Variants in PDE4D observed in about 807,000 individuals in gnomAD.
PDE4D encodes the protein 3',5'-cyclic-AMP phosphodiesterase 4D.
A neutral mutation model predicts 87.4 loss-of-function variants in PDE4D; 24 were observed. The ratio of observed to expected loss-of-function variants is 0.27; its 90% CI spans 0.20 to 0.39. The LOEUF is 0.39. PDE4D is among the 10% of genes least tolerant of loss of function. PDE4D has a pLI of 1.00. For synonymous variants in PDE4D, 384 were observed against 383.2 expected, an observed-to-expected ratio of 1.00 and a Z score of -0.02; for missense variants, 714 against 1,041.0, an observed-to-expected ratio of 0.69 and a Z score of 4.32.
intron 2 of PDE4D, among the ~76,000 whole-genome samples, chr5:60,034,404 G>T (rs551904314): frequency 2.6e-5 from 4 of 152,286 alleles, no homozygotes; most frequent in African/African-American, 9.6e-5. Context: ...TCTTCTTCCA[G>T]CTTCTAGAGG....
At chr5:60,426,509 A>G (rs916249071) in intron 1 of PDE4D, among the ~76,000 whole-genome samples, 1 of 152,070 alleles carries the variant, frequency 6.6e-6, no homozygotes, top group African/African-American at 2.4e-5. Flanking sequence ...GGTGGCGAAC[A>G]TCACACACCA....
intron 2 of PDE4D, among the ~76,000 whole-genome samples, chr5:60,163,639 T>C (rs1248716066): frequency 6.6e-6 from 1 of 152,194 alleles, no homozygotes; most frequent in African/African-American, 2.4e-5. Flanking sequence ...GTTGTAGCAC[T>C]GCTCTGGAAA....
At chr5:60,474,404 T>C (rs1414262092) in intron 1 of PDE4D, among the ~76,000 whole-genome samples, 1 of 151,644 alleles carries the variant, frequency 6.6e-6, no homozygotes, top group East Asian at 1.9e-4. Flanking sequence ...AACCCCCTCT[T>C]AATACCACCA....
chr5:60,328,188 C>T (rs1374450374), intron 1 of PDE4D, among the ~76,000 whole-genome samples: 1 of 152,120 alleles, frequency 6.6e-6, no homozygotes, highest in African/African-American at 2.4e-5. Flanking sequence ...TCCTTCCATA[C>T]AATGACTAAA....
intron 3 of PDE4D, among the ~76,000 whole-genome samples, chr5:59,980,290 T>C (rs1271463877): frequency 1.3e-5 from 2 of 152,344 alleles, no homozygotes; most frequent in East Asian, 3.9e-4. Context: ...ACAATTATTA[T>C]TGAGTGATGG....
At chr5:60,171,978 G>A (rs1273789256) in intron 2 of PDE4D, among the ~76,000 whole-genome samples, 2 of 150,938 alleles carry the variant, frequency 1.3e-5, no homozygotes, top group Non-Finnish European at 3.0e-5. Flanking sequence ...TATTTTAGAC[G>A]TAAGTATTGG....
intron 1 of PDE4D, among the ~76,000 whole-genome samples, chr5:60,404,456 A>G (rs1249372248): frequency 6.6e-6 from 1 of 152,188 alleles, no homozygotes; most frequent in African/African-American, 2.4e-5. Flanking sequence ...ATACAACTTC[A>G]GTGGCCTAAA....
chr5:60,229,916 G>C lies in PDE4D; in HGVS notation c.-89-44229C>G, dbSNP rs1745603294. Among the ~76,000 whole-genome samples the C allele has an allele frequency of 2.0e-5, 3 of 152,096 alleles. No individual in the cohort carries two copies. The South Asian group carries it at 6.2e-4, about 31-fold the overall frequency. ...GCCCAATCAGTTTGGATAAAAAATA[G>C]TCTTACATAACTCTTCTTCATTCTA... is the stretch of plus-strand genomic sequence containing the variant. On this transcript the variant is annotated intron_variant, in intron 1 of 16. Coordinates refer to the PDE4D transcript ENST00000502484.
At chr5:60,409,722 C>G (rs1741881809) in intron 1 of PDE4D, among the ~76,000 whole-genome samples, 1 of 152,236 alleles carries the variant, frequency 6.6e-6, no homozygotes, top group African/African-American at 2.4e-5. Flanking sequence ...CCAAGTCTTA[C>G]TGACATATTG....
intron 1 of PDE4D, among the ~76,000 whole-genome samples, chr5:59,319,275 G>A (rs1774295019): frequency 6.6e-6 from 1 of 151,822 alleles, no homozygotes; most frequent in African/African-American, 2.4e-5. Context: ...AATAGTTTGA[G>A]GTTGACCCAA....
At chr5:59,591,489 A>T (rs1447734299) in intron 1 of PDE4D, among the ~76,000 whole-genome samples, 1 of 152,182 alleles carries the variant, frequency 6.6e-6, no homozygotes, top group Non-Finnish European at 1.5e-5. Flanking sequence ...TCAAATGTTA[A>T]GGTATATTTT....
intron 6 of PDE4D, among the ~76,000 whole-genome samples, chr5:59,031,388 TATA>T (rs1757433243): frequency 8.9e-5 from 4 of 45,068 alleles, no homozygotes; most frequent in African/African-American, 6.9e-4. Flanking sequence ...TATATATATA[TATA>T]TTATATATAT....
chr5:60,277,729 T>C (rs1359783352), intron 1 of PDE4D, among the ~76,000 whole-genome samples: 2 of 152,192 alleles, frequency 1.3e-5, no homozygotes, highest in Non-Finnish European at 2.9e-5. Flanking sequence ...ACTGTTTTAC[T>C]TTTTGTTTGT....
intron 1 of PDE4D, among the ~76,000 whole-genome samples, chr5:59,632,294 G>C (rs1831673534): frequency 6.6e-6 from 1 of 152,198 alleles, no homozygotes; most frequent in Non-Finnish European, 1.5e-5. Context: ...GCACCTGGGG[G>C]GAGGGGTGGC....
chr5:60,014,773 A>G (rs1378100470), intron 2 of PDE4D, among the ~76,000 whole-genome samples: 1 of 152,234 alleles, frequency 6.6e-6, no homozygotes, highest in Non-Finnish European at 1.5e-5. Context: ...CAAAATGAAA[A>G]GAAGATTTTA....
chr5:59,174,033 G>A (rs907351891), intron 5 of PDE4D, among the ~76,000 whole-genome samples: 6 of 152,096 alleles, frequency 3.9e-5, no homozygotes, highest in African/African-American at 7.2e-5. Context: ...TGAAATAGTT[G>A]CTTAGTTTCT....
chr5:60,086,587 A>G (rs1774554783), intron 2 of PDE4D, among the ~76,000 whole-genome samples: 1 of 152,258 alleles, frequency 6.6e-6, no homozygotes, highest in Admixed American at 6.5e-5. Flanking sequence ...TCACAATTAT[A>G]TGAAAAGTAG....
At chr5:59,642,408 C>T (rs1741735131) in intron 1 of PDE4D, among the ~76,000 whole-genome samples, 1 of 152,056 alleles carries the variant, frequency 6.6e-6, no homozygotes, top group Non-Finnish European at 1.5e-5. Flanking sequence ...GTGTCCCCAC[C>T]CAAATCTCAT....
At chr5:60,397,929 A>T (rs1273629677) in intron 1 of PDE4D, among the ~76,000 whole-genome samples, 1 of 152,198 alleles carries the variant, frequency 6.6e-6, no homozygotes, top group Non-Finnish European at 1.5e-5. Context: ...TAGACCTTGA[A>T]ATTCTTGCAC....
Sources: gnomAD v4.1 joint callset for allele counts (sites outside exome capture counted in the v4.1 genomes callset) on GRCh38, gnomAD v4.1.1 for gene constraint, MANE v1.5 for transcripts, NCBI Gene and HGNC (gene_info 2026-07-23, HGNC 2026-07-21) for gene names.